The following DMD variants were observed in gnomAD, a reference collection of about 807,000 sequenced individuals.
The protein encoded by DMD is dystrophin.
Under a neutral mutation model 330.1 loss-of-function variants are expected in DMD, and 63 were observed. That is an observed-to-expected ratio of 0.19 (90% CI 0.16 to 0.24). The LOEUF (loss-of-function observed/expected upper bound fraction) is 0.24. Among genes scored for constraint, DMD ranks in the 10% least tolerant of loss-of-function variants. The pLI, the probability that DMD is intolerant of heterozygous loss-of-function variation, is 1.00. For missense variants in DMD, 3,344 were observed against 2,684.1 expected (o/e 1.25, Z -5.43); for synonymous variants, 1,223 against 959.8 (o/e 1.27, Z -5.07).
intron 55 of DMD, among the ~76,000 whole-genome samples, chrX:31,572,392 C>G (rs2075869219): frequency 8.9e-6 from 1 of 111,962 alleles, no homozygotes; most frequent in African/African-American, 3.3e-5. Context: ...ACCTGTATCT[C>G]TAAAAGAAAA....
intron 55 of DMD, among the ~76,000 whole-genome samples, chrX:31,626,965 T>C (rs1016500237): frequency 9.0e-6 from 1 of 111,664 alleles, no homozygotes; most frequent in African/African-American, 3.2e-5. Flanking sequence ...TCCATAATAG[T>C]TCAGGAAAAT....
chrX:31,291,476 G>C (rs1209350415), intron 62 of DMD, among the ~76,000 whole-genome samples: 1 of 111,935 alleles, frequency 8.9e-6, no homozygotes, highest in African/African-American at 3.2e-5. Flanking sequence ...ACAGTAGCAG[G>C]CTAGCCCCTC....
At chrX:33,040,913 T>C (rs1390355337) in intron 1 of DMD, among the ~76,000 whole-genome samples, 3 of 111,731 alleles carry the variant, frequency 2.7e-5, no homozygotes, top group Non-Finnish European at 3.8e-5. Flanking sequence ...ACAAGGACTT[T>C]AAAATATCTC....
chrX:32,497,282 T>C (rs1285189041), intron 19 of DMD, among the ~76,000 whole-genome samples: 2 of 112,457 alleles, frequency 1.8e-5, no homozygotes, highest in Non-Finnish European at 3.8e-5. Flanking sequence ...GTTAGCATAC[T>C]TATTATCAGG....
chrX:32,460,583 T>A (rs756984743), intron 25 of DMD, among the ~76,000 whole-genome samples: 3 of 110,951 alleles, frequency 2.7e-5, no homozygotes, highest in Non-Finnish European at 5.7e-5. Flanking sequence ...TCTGACTCAT[T>A]TTCCCACTCT....
chrX:32,611,363 G>C (rs1056977153), intron 12 of DMD, among the ~76,000 whole-genome samples: 1 of 110,941 alleles, frequency 9.0e-6, no homozygotes, highest in Non-Finnish European at 1.9e-5. Context: ...ATAATGCCTG[G>C]AGGTAAAATG....
chrX:32,591,308 G>T (rs1221600077), intron 13 of DMD, among the ~76,000 whole-genome samples: 2 of 111,636 alleles, frequency 1.8e-5, no homozygotes, highest in Non-Finnish European at 3.8e-5. Flanking sequence ...TCTATAGTTG[G>T]CTCTCAACTT....
At chrX:31,982,891 C>T (rs141590751) in intron 44 of DMD, among the ~76,000 whole-genome samples, 1,116 of 106,904 alleles carry the variant, frequency 0.01, 20 homozygotes, top group African/African-American at 0.035. Flanking sequence ...GTAAAAGATA[C>T]CAAAAATCAT....
At position 32,569,976 on chromosome X, in the gene DMD, C is replaced by A. The variant is rs754558276; in HGVS notation, c.1812+3554G>T. On this transcript the variant is annotated intron_variant, in intron 15 of 78. Transcript: ENST00000357033. ...TTTCTTCTTTCCCTTCATTTTTATC[C>A]CTGATGCCAAATCAGTTTAAAACTT... is the stretch of plus-strand genomic sequence containing the variant. Among the ~76,000 whole-genome samples, 3 of 111,250 alleles carry A rather than the reference C, an allele frequency of 2.7e-5. No homozygotes were observed. In the South Asian group the frequency reaches 1.1e-3, roughly 42 times the overall value.
At chrX:31,833,841 C>T (rs181608753) in intron 49 of DMD, among the ~76,000 whole-genome samples, 26 of 111,216 alleles carry the variant, frequency 2.3e-4, no homozygotes, top group Non-Finnish European at 4.0e-4. Context: ...TGTTTGTAAG[C>T]GGTGGACACA....
intron 2 of DMD, among the ~76,000 whole-genome samples, chrX:33,003,424 T>C (rs887770724): frequency 8.9e-6 from 1 of 111,942 alleles, no homozygotes; most frequent in Non-Finnish European, 1.9e-5. Context: ...GGAAGAAAGG[T>C]AGCACTTCTT....
intron 9 of DMD, among the ~76,000 whole-genome samples, chrX:32,696,590 G>A (rs1011735035): frequency 8.9e-6 from 1 of 111,751 alleles, no homozygotes; most frequent in Non-Finnish European, 1.9e-5. Flanking sequence ...ATACCTGAGC[G>A]ATGCCTTAAT....
chrX:31,848,089 C>A (rs759269081), intron 48 of DMD, among the ~76,000 whole-genome samples: 5 of 111,675 alleles, frequency 4.5e-5, no homozygotes, highest in African/African-American at 1.6e-4. Flanking sequence ...CTTATTATTT[C>A]TTTCCAAAAT....
At chrX:33,230,105 C>T (rs905411314) in intron 1 of DMD, among the ~76,000 whole-genome samples, 4 of 111,058 alleles carry the variant, frequency 3.6e-5, no homozygotes, top group African/African-American at 1.3e-4. Context: ...AAAACCTAAA[C>T]GACTATAGCT....
chrX:31,763,746 A>C (rs1337035757), intron 51 of DMD, among the ~76,000 whole-genome samples: 1 of 112,355 alleles, frequency 8.9e-6, no homozygotes, highest in Non-Finnish European at 1.9e-5. Flanking sequence ...ACCTTAAGTC[A>C]TTGGTATGGT....
At chrX:31,840,833 A>T (rs895420647) in intron 48 of DMD, among the ~76,000 whole-genome samples, 1 of 110,497 alleles carries the variant, frequency 9.1e-6, no homozygotes, top group East Asian at 2.8e-4. Flanking sequence ...TGAACGCTCC[A>T]CTGACCAGTC....
chrX:32,491,798 A>T (rs2043024906), intron 19 of DMD, among the ~76,000 whole-genome samples: 1 of 111,120 alleles, frequency 9.0e-6, no homozygotes, highest in Non-Finnish European at 1.9e-5. Context: ...ATAAAAACTT[A>T]AATAAAAACA....
chrX:32,328,701 AC>A (rs2097664305), intron 41 of DMD, among the ~76,000 whole-genome samples: 1 of 110,327 alleles, frequency 9.1e-6, no homozygotes, highest in Admixed American at 9.7e-5. Flanking sequence ...AAAAAAAAAA[AC>A]TATTAGGGAA....
chrX:31,679,672 C>T lies in DMD; in HGVS notation c.7661-86G>A, dbSNP rs763600223. On this transcript the variant is annotated intron_variant, in intron 52 of 78. Transcript: ENST00000357033. ...AATGTAACTTCCAAACGTTATCTCA[C>T]ATTTATGTTGCTTATTTAAAAAATT... 16 of 782,117 alleles carry T rather than the reference C, an allele frequency of 2.0e-5. No individual in the cohort carries two copies. The African/African-American group carries it at 3.1e-4, about 15-fold the overall frequency. 64.5% of individuals were successfully genotyped at this position (782,117 alleles called of 1,213,427 possible).
Sources: gnomAD v4.1 joint callset for allele counts (sites outside exome capture counted in the v4.1 genomes callset) on GRCh38, gnomAD v4.1.1 for gene constraint, MANE v1.5 for transcripts, NCBI Gene and HGNC (gene_info 2026-07-23, HGNC 2026-07-21) for gene names.